Variants in SUPT3H observed in about 807,000 individuals in gnomAD.
The protein encoded by SUPT3H is SPT3 homolog, SAGA and STAGA complex component, also known as transcription initiation protein SPT3 homolog.
SUPT3H carries 44 observed loss-of-function variants against 44.3 expected under a neutral mutation model. The ratio of observed to expected loss-of-function variants is 0.99; its 90% confidence interval spans 0.78 to 1.28. The LOEUF (loss-of-function observed/expected upper bound fraction) is 1.28. SUPT3H is among the 50% of genes most tolerant of loss of function. SUPT3H has a pLI of 0.00. For synonymous variants in SUPT3H, 124 were observed against 125.6 expected, an observed-to-expected ratio of 0.99 and a Z score of 0.09; for missense variants, 380 against 387.1, an observed-to-expected ratio of 0.98 and a Z score of 0.15.
At chr6:44,921,737 A>T (rs191093630) in intron 10 of SUPT3H, among the ~76,000 whole-genome samples, 12 of 152,224 alleles carry the variant, frequency 7.9e-5, no homozygotes, top group Non-Finnish European at 1.2e-4. Flanking sequence ...AGAGCCAGAA[A>T]TGTAGTCTCT....
chr6:45,020,800 A>C (rs922640093), intron 3 of SUPT3H, among the ~76,000 whole-genome samples, 168 bp from the exon 4 acceptor site: 3 of 152,024 alleles, frequency 2.0e-5, no homozygotes, highest in Admixed American at 2.0e-4. Flanking sequence ...TTTTTAAGAT[A>C]TAAAACATGC....
At position 45,014,782 on chromosome 6, in the gene SUPT3H, T is replaced by G. The variant is rs373314551; in HGVS notation, c.364+19A>C. ...GTGTCATAAGCTCATGTTTTAGTTT[T>G]GTGTTTTGTTTTGGTTACCTTCGAG... On this transcript the variant is annotated intron_variant, in intron 5 of 10. Transcript: ENST00000371459. The G allele has an allele frequency of 1.0e-5, 16 of 1,534,894 alleles. No individual in the cohort carries two copies. The highest frequency in any genetic ancestry group is 1.4e-5 in the Non-Finnish European group (16 of 1,141,782).
At chr6:45,041,276 A>T (rs1455195603) in intron 3 of SUPT3H, among the ~76,000 whole-genome samples, 1 of 152,232 alleles carries the variant, frequency 6.6e-6, no homozygotes, top group African/African-American at 2.4e-5. Flanking sequence ...TTAGACAATG[A>T]TGTCAAGGAA....
intron 10 of SUPT3H, among the ~76,000 whole-genome samples, chr6:44,915,621 T>C (rs760391351): frequency 1.1e-4 from 17 of 152,168 alleles, no homozygotes; most frequent in Non-Finnish European, 2.4e-4. Context: ...ACATTTACAC[T>C]CTATTCTCTC....
At chr6:45,052,078 G>C (rs983691242) in intron 3 of SUPT3H, among the ~76,000 whole-genome samples, 4 of 152,176 alleles carry the variant, frequency 2.6e-5, no homozygotes, top group Admixed American at 2.0e-4. Flanking sequence ...AAAATCTTTT[G>C]AGAAATCAGA....
At chr6:45,011,440 T>G (rs982470886) in intron 5 of SUPT3H, among the ~76,000 whole-genome samples, 2 of 152,144 alleles carry the variant, frequency 1.3e-5, no homozygotes, top group Non-Finnish European at 2.9e-5. Flanking sequence ...ATTTATATAG[T>G]TTGTTATATT....
chr6:44,818,693 G>A (rs759098342), intron 11 of SUPT3H, among the ~76,000 whole-genome samples: 1 of 152,106 alleles, frequency 6.6e-6, no homozygotes, highest in Non-Finnish European at 1.5e-5. Flanking sequence ...TGAACACATG[G>A]AAAATGCTTA....
chr6:45,165,590 A>T (rs1472665974), intron 2 of SUPT3H, among the ~76,000 whole-genome samples: 3 of 152,244 alleles, frequency 2.0e-5, no homozygotes, highest in African/African-American at 7.2e-5. Flanking sequence ...TAATATGTTA[A>T]AGGTCCTAGT....
In SUPT3H at chr6:45,366,446, A is replaced by T. The variant is rs1795144506; in HGVS notation, c.1-1145T>A. Among the ~76,000 whole-genome samples, 3 of 152,230 alleles carry T rather than the reference A, an allele frequency of 2.0e-5. 1 individual carries two copies. The South Asian group carries it at 6.2e-4, about 31-fold the overall frequency. ...AATACATACAAAAATTTAGAGCAGT[A>T]CTGATAGCACACAGTGGATACACAA... On this transcript the variant is annotated intron_variant, in intron 1 of 10. Coordinates refer to ENST00000371459, the MANE Select transcript of SUPT3H (RefSeq NM_003599.4).
intron 2 of SUPT3H, among the ~76,000 whole-genome samples, chr6:45,230,662 CTATATATATATATATA>C (rs66480751): frequency 1.5e-5 from 1 of 68,718 alleles, no homozygotes; most frequent in Non-Finnish European, 3.1e-5. Flanking sequence ...TTCATTCAGT[CTATATATATATATATA>C]TATATATATT....
chr6:44,959,713 C>T (rs560568163), intron 7 of SUPT3H, among the ~76,000 whole-genome samples: 35 of 152,036 alleles, frequency 2.3e-4, no homozygotes, highest in Admixed American at 1.2e-3. Flanking sequence ...ATTAGTGTGC[C>T]GATGCTACAG....
At chr6:45,370,644 T>C (rs1180599787) in intron 1 of SUPT3H, among the ~76,000 whole-genome samples, 3 of 152,296 alleles carry the variant, frequency 2.0e-5, no homozygotes, top group African/African-American at 7.2e-5. Context: ...CAGGAATCCA[T>C]ATAATGGGCA....
intron 9 of SUPT3H, among the ~76,000 whole-genome samples, chr6:44,936,051 C>CAG (rs1771356440): frequency 6.6e-6 from 1 of 152,128 alleles, no homozygotes. Context: ...TTAAGTCTTA[C>CAG]AGAGAAGTAA....
intron 2 of SUPT3H, among the ~76,000 whole-genome samples, chr6:45,308,757 AAAAAAAAAAAAGTC>A (rs1381055679): frequency 3.8e-3 from 1 of 266 alleles, no homozygotes; most frequent in African/African-American, 0.033. Context: ...AAATAAATTT[AAAAAAAAAAAAGTC>A]AAAAAAAATA....
intron 2 of SUPT3H, among the ~76,000 whole-genome samples, chr6:45,231,737 T>C (rs969716158): frequency 1.3e-5 from 2 of 152,220 alleles, no homozygotes; most frequent in African/African-American, 4.8e-5. Context: ...AACTCATACA[T>C]TTGATCACTA....
At chr6:44,957,166 G>T (rs1002919795) in intron 7 of SUPT3H, among the ~76,000 whole-genome samples, 6 of 149,304 alleles carry the variant, frequency 4.0e-5, no homozygotes, top group Non-Finnish European at 8.8e-5. Flanking sequence ...GGCCCCACGG[G>T]TCTATAAAAC....
At chr6:45,222,373 T>C (rs547536862) in intron 2 of SUPT3H, among the ~76,000 whole-genome samples, 1 of 151,934 alleles carries the variant, frequency 6.6e-6, no homozygotes, top group East Asian at 1.9e-4. Context: ...AATTAGAAAA[T>C]GACAGAAGGC....
chr6:45,208,977 T>C (rs946330700), intron 2 of SUPT3H, among the ~76,000 whole-genome samples: 1 of 152,110 alleles, frequency 6.6e-6, no homozygotes, highest in Admixed American at 6.6e-5. Flanking sequence ...CCTTAAGAAT[T>C]ATACTAAATG....
chr6:45,298,984 C>T (rs956670952), intron 2 of SUPT3H, among the ~76,000 whole-genome samples: 8 of 151,986 alleles, frequency 5.3e-5, no homozygotes, highest in African/African-American at 1.4e-4. Flanking sequence ...TTATCCTTGA[C>T]GAAAAACCAT....
Sources: gnomAD v4.1 joint callset for allele counts (sites outside exome capture counted in the v4.1 genomes callset) on GRCh38, gnomAD v4.1.1 for gene constraint, MANE v1.5 for transcripts, NCBI Gene and HGNC (gene_info 2026-07-23, HGNC 2026-07-21) for gene names.